The following CR2 variants were observed in gnomAD, a reference collection of about 807,000 sequenced individuals.
The protein encoded by CR2 is complement receptor type 2.
A neutral mutation model predicts 123.0 loss-of-function variants in CR2; 96 were observed. That is an observed-to-expected ratio of 0.78 (90% CI 0.66 to 0.93). The LOEUF is 0.93. CR2 is among the 40% of genes least tolerant of loss of function. The pLI is 0.00. For missense variants in CR2, 1,258 were observed against 1,361.0 expected (o/e 0.92, Z 1.19); for synonymous variants, 484 against 469.5 (o/e 1.03, Z -0.40).
chr1:207,465,792 G>C (rs1384712521), intron 1 of CR2, among the ~76,000 whole-genome samples: 1 of 152,194 alleles, frequency 6.6e-6, no homozygotes, highest in African/African-American at 2.4e-5. Context: ...ATTAGGACAA[G>C]TAAATGAAGA....
intron 18 of CR2, among the ~76,000 whole-genome samples, chr1:207,481,668 A>G (rs2102312520): frequency 6.6e-6 from 1 of 152,258 alleles, no homozygotes; most frequent in East Asian, 1.9e-4. Flanking sequence ...TCCTTCCAGA[A>G]ATACCAGATG....
chr1:207,467,743 C>T (rs548621293), intron 2 of CR2, among the ~76,000 whole-genome samples: 17 of 152,098 alleles, frequency 1.1e-4, no homozygotes, highest in Non-Finnish European at 2.2e-4. Flanking sequence ...GCAATGGCTG[C>T]TGAAAACAGT....
rs191264913 is a variant in CR2, at chr1:207,476,399, A to T, written c.2882A>T (p.Gln961Leu). ...LLCTHEGTWS[Q>L]PAPHCKEVNC... ...TGCACACATGAGGGAACCTGGAGCC[A>T]ACCTGCCCCTCATTGTAAAGGTGCT... The change falls in exon 15 of 20, where the codon CAA becomes CTA. Residue 961 changes from glutamine (Q) to leucine (L), a missense_variant. By Grantham distance (113) the Gln-to-Leu change is moderately radical. Transcript: ENST00000367057. 4.5e-5 allele frequency: 72 copies of T among 1,613,706 alleles called. No individual in the cohort carries two copies. Among genetic ancestry groups the T allele is most frequent in the Non-Finnish European group, 5.8e-5 (68 of 1,179,858 alleles).
Position 207,474,958 on chromosome 1 carries a change from C to T in CR2, c.2458C>T (p.Gln820Ter), listed in dbSNP as rs1307560294. ...GFYLLGEKKL[Q>*]CRSDSKGHGS... ...CTATCTCCTGGGAGAGAAAAAATTG[C>T]AGTGCAGAAGTGATTCTAAAGGACA... is the stretch of plus-strand genomic sequence containing the variant. The change falls in exon 14 of 20, where the codon CAG becomes TAG. Residue 820 changes from glutamine (Q) to a stop codon, truncating the protein, a stop_gained. Transcript: ENST00000367057. LOFTEE classifies it high-confidence loss of function. 1 of 1,614,114 alleles carries T rather than the reference C, an allele frequency of 6.2e-7. No individual in the cohort carries two copies. Among genetic ancestry groups the T allele is most frequent in the South Asian group, 1.1e-5 (1 of 91,078 alleles).
At chr1:207,480,698 G>A (rs184401808) in intron 18 of CR2, among the ~76,000 whole-genome samples, 106 of 152,216 alleles carry the variant, frequency 7.0e-4, no homozygotes, top group African/African-American at 2.5e-3. Flanking sequence ...CAGGAAGTTT[G>A]TTCTTAGTAA....
rs374597014 is a variant in CR2, at chr1:207,489,147, C to T, written c.*24C>T. The T allele has an allele frequency of 6.6e-5, 10 of 152,248 alleles. No homozygotes were observed. The highest frequency in any genetic ancestry group is 4.6e-4 in the Admixed American group (7 of 15,274). The allele number at this position is 152,248 out of a possible 1,614,324, so 9.4% of individuals were successfully genotyped here. A position where few individuals can be genotyped will look rare whatever the true frequency, so the allele number is the denominator to read the frequency against. On this transcript the variant is annotated 3_prime_UTR_variant, in exon 20 of 20. Coordinates refer to ENST00000367057, the MANE Select transcript of CR2 (RefSeq NM_001006658.3). ...ACAGAAATGATCTATTTCAGTGTGC[C>T]TCATTGCTTGGAATTCAGCGGAATA...
In CR2 at chr1:207,472,940, A is replaced by T; in HGVS notation, c.1739A>T (p.Asp580Val). 6.2e-7 allele frequency: 1 copy of T among 1,614,082 alleles called. No homozygotes were observed. The highest frequency in any genetic ancestry group is 8.5e-7 in the Non-Finnish European group (1 of 1,179,978). The change falls in exon 10 of 20, where the codon GAT becomes GTT. Residue 580 changes from aspartate (D) to valine (V), a missense_variant. Physicochemically the swap from Asp to Val is radical, Grantham distance 152 (BLOSUM62 -3). Transcript: ENST00000367057. The stretch of plus-strand genomic sequence containing the variant: ...AGCACCATCCGTTGTACAAGCAATG[A>T]TCAAGAAAGAGGCACCTGGAGTGGC... Reference protein sequence around the residue: ...GESTIRCTSNDQERGTWSGPA... With the variant: ...GESTIRCTSNVQERGTWSGPA...
rs747982668 is a variant in CR2 at position 207,469,132 on chromosome 1, A to G, written c.735-18A>G. ...ACAAACTGCCTAATAGTTCTGAATG[A>G]CAACCTTCTGTCTCCAGGTATCGAC... is the stretch of plus-strand genomic sequence containing the variant. On this transcript the variant is annotated intron_variant, in intron 4 of 19. Coordinates refer to ENST00000367057, the MANE Select transcript of CR2 (RefSeq NM_001006658.3). 8.1e-6 allele frequency: 13 copies of G among 1,610,024 alleles called. No homozygotes were observed. The highest frequency in any genetic ancestry group is 9.4e-6 in the Non-Finnish European group (11 of 1,176,388).
At chr1:207,466,949 G>A (rs781586693) in intron 2 of CR2, 37 bp downstream of exon 2, 1 of 1,548,194 alleles carries the variant, frequency 6.5e-7, no homozygotes, top group Admixed American at 2.0e-5. Flanking sequence ...GGAGGTTGGG[G>A]TCTTGCCTTT....
rs183720800 is a variant in CR2, at chr1:207,473,706, G to T, written c.2140G>T (p.Ala714Ser). 1.6e-5 allele frequency: 26 copies of T among 1,613,998 alleles called. No individual in the cohort carries two copies. The African/African-American group carries it at 2.8e-4, about 17-fold the overall frequency. ...CMPSGNWSPS[A>S]PRCEETCQHV... ...GCCTTCAGGAAATTGGAGTCCTTCT[G>T]CCCCACGGTGTGAAGGTACTTTAAG... The change falls in exon 11 of 20, where the codon GCC (alanine) becomes TCC (serine). Residue 714 changes from alanine (A) to serine (S), a missense_variant. Ala to Ser is a moderately conservative substitution (Grantham distance 99). Transcript: ENST00000367057.
At position 207,475,065 on chromosome 1, in the gene CR2, G is replaced by T. The variant is rs755593661; in HGVS notation, c.2565G>T (p.Gly855=). 1.2e-6 allele frequency: 2 copies of T among 1,613,372 alleles called. No homozygotes were observed. The highest frequency in any genetic ancestry group is 1.7e-6 in the Non-Finnish European group (2 of 1,179,476). The change falls in exon 14 of 20, where the codon GGG becomes GGT. Residue 855 remains glycine, a synonymous_variant. Transcript: ENST00000367057. ...GCCCTAATCCAGAAGTCAAACATGG[G>T]TACAAGCTCAATAAAACACATTCTG... ...TRCPNPEVKH[G]YKLNKTHSAY... is the part of the protein sequence containing the mutation.
intron 1 of CR2, among the ~76,000 whole-genome samples, chr1:207,458,059 A>AACACACACACACACACACACACACACAC (rs59735642): frequency 8.2e-6 from 1 of 122,570 alleles, no homozygotes; most frequent in African/African-American, 3.3e-5. Context: ...TCAAGGCCAC[A>AACACACACACACACACACACACACACAC]ACACACACAC....
At chr1:207,485,711 G>C (rs1572967653) in intron 19 of CR2, 139 bp downstream of exon 19, 1 of 639,226 alleles carries the variant, frequency 1.6e-6, no homozygotes, top group East Asian at 2.8e-5. Flanking sequence ...CATAGCAATT[G>C]TTCATTTACC....
At position 207,479,964 on chromosome 1, in the gene CR2, G is replaced by C. The variant is rs1457648119; in HGVS notation, c.3113-14G>C. The C allele has an allele frequency of 6.2e-7, 1 of 1,604,890 alleles. No individual in the cohort carries two copies. Among genetic ancestry groups the C allele is most frequent in the Admixed American group, 1.7e-5 (1 of 59,976 alleles). On this transcript the variant is annotated splice_polypyrimidine_tract_variant and intron_variant, in intron 17 of 19. Transcript: ENST00000367057. ...GTCTTCTGGCATTTGATACTTGCTG[G>C]ATTTTTCTTCTAGGTATTGCTGCAG...
chr1:207,468,457 C>T (rs751444438), intron 2 of CR2, 70 bp from the exon 3 acceptor site: 74 of 1,515,446 alleles, frequency 4.9e-5, no homozygotes, highest in Non-Finnish European at 5.7e-5. Context: ...AAAGATTGGA[C>T]CCCCTTGATT....
chr1:207,485,769 A>G (rs1479526117), intron 19 of CR2, among the ~76,000 whole-genome samples, 197 bp downstream of exon 19: 1 of 152,236 alleles, frequency 6.6e-6, no homozygotes, highest in East Asian at 1.9e-4. Context: ...CCATTCATCC[A>G]TTCAACAAAT....
intron 1 of CR2, among the ~76,000 whole-genome samples, chr1:207,455,888 A>G (rs1027153305): frequency 5.9e-5 from 9 of 152,124 alleles, no homozygotes; most frequent in Admixed American, 5.9e-4. Flanking sequence ...CAGCCATTCA[A>G]GCTACTGTGC....
At chr1:207,478,155 G>T (rs1246299476) in intron 16 of CR2, 85 bp downstream of exon 16, 3 of 1,390,506 alleles carry the variant, frequency 2.2e-6, no homozygotes, top group South Asian at 2.5e-5. Context: ...GAGAGTCCTG[G>T]GTTTTAAATT....
Position 207,471,039 on chromosome 1 carries a change from C to A in CR2, c.1445C>A (p.Pro482His), listed in dbSNP as rs1253399821. The stretch of plus-strand genomic sequence containing the variant: ...ACAGGAAGGCAACTCTTGACAAAAC[C>A]CCAGCACCAATTTGTTAGACCAGAT... ...EATGRQLLTK[P>H]QHQFVRPDVN... Residue 482 changes from proline to histidine, a missense_variant, in exon 8 of 20, where the codon CCC becomes CAC. Coordinates refer to ENST00000367057, the MANE Select transcript of CR2 (RefSeq NM_001006658.3). The A allele has an allele frequency of 6.2e-7, 1 of 1,613,732 alleles. No homozygotes were observed. The highest frequency in any genetic ancestry group is 8.5e-7 in the Non-Finnish European group (1 of 1,179,834).
Sources: allele counts gnomAD v4.1 joint callset (sites outside exome capture counted in the v4.1 genomes callset), GRCh38; gene constraint gnomAD v4.1.1; transcripts MANE v1.5; gene names NCBI Gene and HGNC (gene_info 2026-07-23, HGNC 2026-07-21).